TMEM68: variants seen among roughly 807,000 people sequenced by gnomAD.
TMEM68 encodes transmembrane protein 68.
In TMEM68, 25 loss-of-function variants were observed where a neutral mutation model predicts 36.9. The observed-to-expected ratio is 0.68, with a 90% CI of 0.49 to 0.95. The LOEUF is 0.95. TMEM68 is among the 40% of genes least tolerant of loss of function. The probability of loss-of-function intolerance (pLI) is 0.00; values close to 1 mark genes in which losing one functional copy is unlikely to be tolerated. For synonymous variants in TMEM68, 131 were observed against 124.4 expected (o/e 1.05, Z -0.35); for missense variants, 333 against 392.0 (o/e 0.85, Z 1.27).
At chr8:55,768,402 G>A (rs1811041851) in intron 1 of TMEM68, among the ~76,000 whole-genome samples, 2 of 152,152 alleles carry the variant, frequency 1.3e-5, no homozygotes, top group African/African-American at 2.4e-5. Context: ...GTTCCTTGCT[G>A]CTGCTGCTGC....
intron 4 of TMEM68, chr8:55,751,596 C>A: frequency 2.6e-6 from 1 of 383,760 alleles, no homozygotes; most frequent in Non-Finnish European, 5.0e-6. Context: ...CTACGCTTAG[C>A]TCTTCCAAAA....
chr8:55,751,619 T>C, intron 4 of TMEM68: 4 of 345,288 alleles, frequency 1.2e-5, no homozygotes, highest in Admixed American at 4.6e-5. Context: ...GGCAAGACCA[T>C]GATCAAATCT....
intron 4 of TMEM68, among the ~76,000 whole-genome samples, chr8:55,752,030 G>T (rs200764580): frequency 1.3e-5 from 2 of 151,420 alleles, no homozygotes; most frequent in South Asian, 4.2e-4. Context: ...CCAATGTGGT[G>T]AAACCCTGCC....
intron 6 of TMEM68, among the ~76,000 whole-genome samples, chr8:55,744,596 C>T (rs1045665754): frequency 6.6e-6 from 1 of 151,932 alleles, no homozygotes; most frequent in Admixed American, 6.6e-5. Flanking sequence ...CATGAGCCAC[C>T]GCTCCCGGCC....
At chr8:55,756,811 C>T (rs1336742412) in intron 3 of TMEM68, among the ~76,000 whole-genome samples, 2 of 152,082 alleles carry the variant, frequency 1.3e-5, no homozygotes, top group Non-Finnish European at 2.9e-5. Context: ...GCTTGGGAGT[C>T]AGAGCCTGAG....
At chr8:55,751,234 T>G in intron 4 of TMEM68, 77 bp from the exon 5 acceptor site, 3 of 1,261,922 alleles carry the variant, frequency 2.4e-6, no homozygotes, top group Non-Finnish European at 2.2e-6. Flanking sequence ...CTTCACAAAC[T>G]ACATAGTGTA....
chr8:55,756,048 A>G lies in TMEM68; in HGVS notation c.493+196T>C, dbSNP rs1810597000. ...AAATGAGCTAACATTTTTGGCCACA[A>G]TGTCTTTATTTTTAGATATATTGCC... is the stretch of plus-strand genomic sequence containing the variant. On this transcript the variant is annotated intron_variant, in intron 4 of 7. Transcript: ENST00000434581. Among the ~76,000 whole-genome samples the G allele has an allele frequency of 3.3e-5, 5 of 152,240 alleles. No individual in the cohort carries two copies. The South Asian group carries it at 1.0e-3, about 32-fold the overall frequency.
At position 55,765,415 on chromosome 8, in the gene TMEM68, G is replaced by A. The variant is rs145417805; in HGVS notation, c.-114-1435C>T. Among the ~76,000 whole-genome samples, 236 of 152,204 alleles carry A rather than the reference G, an allele frequency of 1.6e-3. 1 individual carries two copies. Among genetic ancestry groups the A allele is most frequent in the African/African-American group, 5.2e-3 (216 of 41,532 alleles). On this transcript the variant is annotated intron_variant, in intron 1 of 7. Transcript: ENST00000434581. ...ATCTGATACTGACAACACCATGTAC[G>A]GTAACCCCTGTGCCTCCGTTTGCTA...
intron 3 of TMEM68, among the ~76,000 whole-genome samples, chr8:55,758,379 T>A (rs1430561394): frequency 6.6e-6 from 1 of 152,174 alleles, no homozygotes; most frequent in African/African-American, 2.4e-5. Context: ...CAGTTGTCAT[T>A]CTTTTACAAA....
intron 4 of TMEM68, among the ~76,000 whole-genome samples, chr8:55,755,701 A>G (rs1000233448): frequency 6.6e-6 from 1 of 152,092 alleles, no homozygotes; most frequent in African/African-American, 2.4e-5. Flanking sequence ...AAAATTCATT[A>G]TGTGAAAAAT....
chr8:55,762,678 T>G lies in TMEM68; in HGVS notation c.282A>C (p.Lys94Asn), dbSNP rs1376459637. The G allele has an allele frequency of 6.2e-7, 1 of 1,614,122 alleles. No homozygotes were observed. The highest frequency in any genetic ancestry group is 8.5e-7 in the Non-Finnish European group (1 of 1,180,048). Residue 94 changes from lysine to asparagine, a missense_variant, in exon 3 of 8, where the codon AAA (lysine) becomes AAC (asparagine). Lys to Asn is a moderately conservative substitution (Grantham distance 94). Transcript: ENST00000434581. ...YSHNLWDGAR[K>N]TVATLWDGHA... ...GTCCATCCCACAGAGTTGCCACTGTTTTCCTTGCACCATCCCATAAATTAT... is the reference window on the plus strand; with the variant it reads ...GTCCATCCCACAGAGTTGCCACTGTGTTCCTTGCACCATCCCATAAATTAT...
chr8:55,745,053 G>C lies in TMEM68; in HGVS notation c.748+8C>G. On this transcript the variant is annotated splice_region_variant and intron_variant, in intron 6 of 7. Transcript: ENST00000434581. ...TTGTAATTTAAAACCATACAAATCA[G>C]AACTTACTTGTTCCTCCAAGTGATC... 6.7e-7 allele frequency: 1 copy of C among 1,483,382 alleles called. No homozygotes were observed. Among genetic ancestry groups the C allele is most frequent in the Non-Finnish European group, 8.9e-7 (1 of 1,118,756 alleles). The allele number at this position is 1,483,382 out of a possible 1,614,324, so 91.9% of individuals were successfully genotyped here.
At chr8:55,743,182 A>G (rs1031927985) in intron 7 of TMEM68, among the ~76,000 whole-genome samples, 1 of 152,088 alleles carries the variant, frequency 6.6e-6, no homozygotes, top group African/African-American at 2.4e-5. Context: ...CTCCAGTCCA[A>G]TATTTCCAAA....
intron 5 of TMEM68, 97 bp from the exon 6 acceptor site, chr8:55,745,218 G>C (rs1268547570): frequency 1.4e-6 from 1 of 698,868 alleles, no homozygotes; most frequent in African/African-American, 1.9e-5. Context: ...TTTTAAGAAA[G>C]AGAAAAGGCA....
At chr8:55,744,336 C>T (rs185381535) in intron 6 of TMEM68, among the ~76,000 whole-genome samples, 554 of 14,948 alleles carry the variant, frequency 0.037, 137 homozygotes, top group African/African-American at 0.15. Flanking sequence ...GACGGAGTCT[C>T]GCTCTGTCGC....
At chr8:55,747,925 A>C (rs1196574762) in intron 5 of TMEM68, 1 of 152,106 alleles carries the variant, frequency 6.6e-6, no homozygotes, top group Non-Finnish European at 1.5e-5. Context: ...GACTGGCATG[A>C]TCCCAGAATT....
In TMEM68 at chr8:55,738,996, G is replaced by A. The variant is rs888961699; in HGVS notation, c.*1136C>T. 4.6e-5 allele frequency: 7 copies of A among 152,498 alleles called. No individual in the cohort carries two copies. Among genetic ancestry groups the A allele is most frequent in the African/African-American group, 1.7e-4 (7 of 41,396 alleles). The allele number at this position is 152,498 out of a possible 1,614,324, so 9.4% of individuals were successfully genotyped here. On this transcript the variant is annotated 3_prime_UTR_variant, in exon 8 of 8. Transcript: ENST00000434581. The stretch of plus-strand genomic sequence containing the variant: ...GTGTTCACATAAATTCATCATTCAG[G>A]CTGGGCATGGTGGCTCACACCTGTA...
chr8:55,753,481 T>G (rs1337403597), intron 4 of TMEM68, among the ~76,000 whole-genome samples: 1 of 152,238 alleles, frequency 6.6e-6, no homozygotes, highest in Non-Finnish European at 1.5e-5. Context: ...ATAGTGATCA[T>G]GTTAGTTTTT....
At chr8:55,751,823 A>T (rs2129950192) in intron 4 of TMEM68, among the ~76,000 whole-genome samples, 1 of 152,340 alleles carries the variant, frequency 6.6e-6, no homozygotes, top group East Asian at 1.9e-4. Context: ...TAAATATTTT[A>T]ATCAAATCCC....
Sources: gnomAD v4.1 joint callset for allele counts (sites outside exome capture counted in the v4.1 genomes callset) on GRCh38, gnomAD v4.1.1 for gene constraint, MANE v1.5 for transcripts, NCBI Gene and HGNC (gene_info 2026-07-23, HGNC 2026-07-21) for gene names.